CNTNAP5: variants seen among roughly 807,000 people sequenced by gnomAD.
The protein encoded by CNTNAP5 is contactin-associated protein-like 5.
Under a neutral mutation model 150.2 loss-of-function variants are expected in CNTNAP5, and 72 were observed. The ratio of observed to expected loss-of-function variants is 0.48; its 90% CI spans 0.40 to 0.58. CNTNAP5 has a LOEUF of 0.58. Ranked by LOEUF, CNTNAP5 falls within the 20% of genes least tolerant of loss-of-function variation. The probability of loss-of-function intolerance (pLI) is 0.00; values close to 1 mark genes in which losing one functional copy is unlikely to be tolerated. For missense variants in CNTNAP5, 1,636 were observed against 1,626.2 expected (o/e 1.01, Z -0.10); for synonymous variants, 672 against 619.8 (o/e 1.08, Z -1.25).
rs1681009847 is a variant in CNTNAP5 at position 124,763,799 on chromosome 2, C to T, written c.2362C>T (p.Arg788Ter). 6.2e-7 allele frequency: 1 copy of T among 1,612,798 alleles called. No homozygotes were observed. Among genetic ancestry groups the T allele is most frequent in the Non-Finnish European group, 8.5e-7 (1 of 1,179,372 alleles). ...TGGTCCCTTGCGTTGCTATGGTGAC[C>T]GTGAGTACAAAATCGAAAGAAGCTT... ...RIGPLRCYGD[R>*]RFWNAVSFYT... Residue 788 changes from arginine (R) to a stop codon, truncating the protein, a stop_gained and splice_region_variant, in exon 15 of 24, where the codon CGA becomes TGA. Coordinates refer to ENST00000682447, the MANE Select transcript of CNTNAP5 (RefSeq NM_001367498.1). LOFTEE classifies it high-confidence loss of function.
intron 13 of CNTNAP5, among the ~76,000 whole-genome samples, chr2:124,692,599 G>C (rs1327041813): frequency 1.3e-5 from 2 of 152,114 alleles, no homozygotes; most frequent in Non-Finnish European, 2.9e-5. Flanking sequence ...GCCTTAATGT[G>C]CATGCACTGA....
At chr2:124,104,611 G>A (rs192103817) in intron 1 of CNTNAP5, among the ~76,000 whole-genome samples, 6 of 152,096 alleles carry the variant, frequency 3.9e-5, no homozygotes, top group South Asian at 2.1e-4. Flanking sequence ...GTCCTATATC[G>A]TATAGTGTTA....
At chr2:124,551,809 G>A (rs971632825) in intron 10 of CNTNAP5, among the ~76,000 whole-genome samples, 6 of 152,182 alleles carry the variant, frequency 3.9e-5, no homozygotes, top group Non-Finnish European at 8.8e-5. Context: ...ATGGGAAATG[G>A]AGAAGAGGGA....
At chr2:124,434,443 T>C (rs752964300) in intron 4 of CNTNAP5, 41 bp from the exon 5 acceptor site, 12 of 1,418,356 alleles carry the variant, frequency 8.5e-6, no homozygotes, top group Admixed American at 6.7e-5. Flanking sequence ...GTCATGAGAA[T>C]ATGCACTAAT....
chr2:124,588,177 C>CTTCT (rs746237108), intron 11 of CNTNAP5, among the ~76,000 whole-genome samples: 2,274 of 110,676 alleles, frequency 0.021, 52 homozygotes, highest in Non-Finnish European at 0.028. Context: ...TCCTTCCTTC[C>CTTCT]TTCTTTCTTT....
chr2:124,129,832 G>A (rs1393012846), intron 1 of CNTNAP5, among the ~76,000 whole-genome samples: 1 of 152,194 alleles, frequency 6.6e-6, no homozygotes, highest in Admixed American at 6.5e-5. Flanking sequence ...TTTCCTGACG[G>A]ATGTTGGAGG....
chr2:124,893,987 GACC>G (rs770102973), intron 21 of CNTNAP5, among the ~76,000 whole-genome samples: 112 of 152,122 alleles, frequency 7.4e-4, no homozygotes, highest in Admixed American at 2.2e-3. Flanking sequence ...CATCAAAAAT[GACC>G]ACATTTTAAA....
At chr2:124,482,114 T>G (rs774256073) in intron 7 of CNTNAP5, among the ~76,000 whole-genome samples, 1 of 152,244 alleles carries the variant, frequency 6.6e-6, no homozygotes, top group Non-Finnish European at 1.5e-5. Context: ...ACTAATGAGC[T>G]GAGCATATTC....
chr2:124,650,245 G>A (rs898671175), intron 13 of CNTNAP5, among the ~76,000 whole-genome samples: 1 of 152,178 alleles, frequency 6.6e-6, no homozygotes. Context: ...GGAGAATGTA[G>A]CATGAACCAC....
chr2:124,483,841 C>CA (rs1693810866), intron 7 of CNTNAP5, among the ~76,000 whole-genome samples: 1 of 152,362 alleles, frequency 6.6e-6, no homozygotes, highest in East Asian at 1.9e-4. Context: ...TTGTAGAACT[C>CA]AGAGTTCACA....
chr2:124,547,703 C>T (rs902692021), intron 10 of CNTNAP5, among the ~76,000 whole-genome samples: 2 of 152,252 alleles, frequency 1.3e-5, no homozygotes, highest in Admixed American at 6.5e-5. Context: ...CAGGGGTTCT[C>T]ATATTTAAGA....
intron 3 of CNTNAP5, among the ~76,000 whole-genome samples, chr2:124,249,525 C>T (rs1284663079): frequency 1.3e-5 from 2 of 152,208 alleles, no homozygotes; most frequent in African/African-American, 4.8e-5. Flanking sequence ...ATAAACTCAA[C>T]CAATTGTTAA....
chr2:124,275,383 C>T (rs1687860957), intron 3 of CNTNAP5, among the ~76,000 whole-genome samples: 1 of 152,070 alleles, frequency 6.6e-6, no homozygotes, highest in African/African-American at 2.4e-5. Context: ...TACCCTAAAC[C>T]TAAACCACTC....
chr2:124,518,356 A>T (rs573447578), intron 8 of CNTNAP5, among the ~76,000 whole-genome samples: 1 of 152,366 alleles, frequency 6.6e-6, no homozygotes, highest in East Asian at 1.9e-4. Flanking sequence ...TGACATAAGT[A>T]GACATCCTGA....
At chr2:124,797,618 T>G (rs1681874060) in intron 18 of CNTNAP5, among the ~76,000 whole-genome samples, 1 of 152,220 alleles carries the variant, frequency 6.6e-6, no homozygotes, top group Admixed American at 6.5e-5. Flanking sequence ...CCCAATGTCT[T>G]GCTCTGTATT....
At chr2:124,352,236 G>GT (rs1325266607) in intron 3 of CNTNAP5, among the ~76,000 whole-genome samples, 1 of 151,980 alleles carries the variant, frequency 6.6e-6, no homozygotes, top group East Asian at 1.9e-4. Context: ...TTGTATACTG[G>GT]TCATCATGTT....
At chr2:124,632,238 A>AAGTT (rs1322377581) in intron 12 of CNTNAP5, among the ~76,000 whole-genome samples, 1 of 152,204 alleles carries the variant, frequency 6.6e-6, no homozygotes, top group Admixed American at 6.5e-5. Flanking sequence ...TTCTATTATA[A>AAGTT]AGTTACATGC....
chr2:124,450,391 G>C (rs924968518), intron 6 of CNTNAP5, among the ~76,000 whole-genome samples: 1 of 151,566 alleles, frequency 6.6e-6, no homozygotes, highest in Non-Finnish European at 1.5e-5. Context: ...AAAGGTAGTA[G>C]CTTTCATTCT....
At chr2:124,830,089 G>A (rs1039523792) in intron 19 of CNTNAP5, among the ~76,000 whole-genome samples, 15 of 151,816 alleles carry the variant, frequency 9.9e-5, no homozygotes, top group Middle Eastern at 7.0e-3. Flanking sequence ...ATAATGGAAA[G>A]AGGATCTAGA....
Sources: allele counts gnomAD v4.1 joint callset (sites outside exome capture counted in the v4.1 genomes callset), GRCh38; gene constraint gnomAD v4.1.1; transcripts MANE v1.5; gene names NCBI Gene and HGNC (gene_info 2026-07-23, HGNC 2026-07-21).